GALNTL6: variants seen among roughly 807,000 people sequenced by gnomAD.
GALNTL6 encodes polypeptide N-acetylgalactosaminyltransferase like 6.
In GALNTL6, 46 loss-of-function variants were observed where a neutral mutation model predicts 73.7. The observed-to-expected ratio is 0.62, with a 90% CI of 0.49 to 0.80. The LOEUF (loss-of-function observed/expected upper bound fraction) is 0.80, where lower values mean the gene tolerates loss of function less well. Ranked by LOEUF, GALNTL6 falls within the 30% of genes least tolerant of loss-of-function variation. The pLI, the probability that GALNTL6 is intolerant of heterozygous loss-of-function variation, is 0.00. For synonymous variants in GALNTL6, 259 were observed against 263.7 expected (o/e 0.98, Z 0.17); for missense variants, 604 against 755.0 (o/e 0.80, Z 2.34).
chr4:172,265,988 G>T (rs546726666), intron 3 of GALNTL6, among the ~76,000 whole-genome samples: 1 of 152,064 alleles, frequency 6.6e-6, no homozygotes, highest in East Asian at 1.9e-4. Flanking sequence ...CTCATTCATG[G>T]CTACACTTTA....
intron 5 of GALNTL6, among the ~76,000 whole-genome samples, chr4:172,584,773 TGA>T (rs1430971421): frequency 1.3e-5 from 2 of 152,130 alleles, no homozygotes; most frequent in Non-Finnish European, 2.9e-5. Context: ...GTGGTGGTAG[TGA>T]GAGGGTATAT....
rs374519824 is a variant in GALNTL6 at position 171,962,957 on chromosome 4, G to A, written c.138+148239G>A. On this transcript the variant is annotated intron_variant, in intron 2 of 12. Transcript: ENST00000506823. ...TAATTTTTGTATTTTTAATAGAGACGGGGTTTCACTATGTTGGCCAGGATG... is the reference window on the plus strand; with the variant it reads ...TAATTTTTGTATTTTTAATAGAGACAGGGTTTCACTATGTTGGCCAGGATG... Among the ~76,000 whole-genome samples the A allele has an allele frequency of 9.0e-4, 137 of 151,488 alleles. 1 individual carries two copies. The East Asian group carries it at 0.016, about 18-fold the overall frequency.
chr4:172,476,715 T>C (rs952551285), intron 5 of GALNTL6, among the ~76,000 whole-genome samples: 1 of 152,120 alleles, frequency 6.6e-6, no homozygotes, highest in African/African-American at 2.4e-5. Flanking sequence ...ATTTGAAATG[T>C]TCACCCAAGC....
chr4:171,917,481 T>A (rs1737663750), intron 2 of GALNTL6, among the ~76,000 whole-genome samples: 1 of 152,090 alleles, frequency 6.6e-6, no homozygotes, highest in South Asian at 2.1e-4. Flanking sequence ...TTTATCAGCT[T>A]GAAGAGTGTT....
intron 3 of GALNTL6, among the ~76,000 whole-genome samples, chr4:172,281,711 A>T (rs1423972677): frequency 3.3e-5 from 5 of 152,016 alleles, no homozygotes; most frequent in Non-Finnish European, 5.9e-5. Flanking sequence ...ACCTTGTCAA[A>T]ACAAACAAAC....
At chr4:172,273,718 C>T (rs893987630) in intron 3 of GALNTL6, among the ~76,000 whole-genome samples, 3 of 152,068 alleles carry the variant, frequency 2.0e-5, no homozygotes, top group East Asian at 1.9e-4. Context: ...AGATATGAAA[C>T]GAGAGTGACC....
chr4:171,991,444 AGAGT>A (rs1467369082), intron 2 of GALNTL6, among the ~76,000 whole-genome samples: 2 of 152,030 alleles, frequency 1.3e-5, no homozygotes, highest in Non-Finnish European at 2.9e-5. Context: ...TCGTTAACAG[AGAGT>A]AAGTATACAA....
chr4:171,933,699 T>G (rs1026258745), intron 2 of GALNTL6, among the ~76,000 whole-genome samples: 4 of 151,672 alleles, frequency 2.6e-5, no homozygotes, highest in African/African-American at 9.7e-5. Flanking sequence ...CAAGAATTAT[T>G]TTAATTATTT....
chr4:172,289,454 T>C (rs1262081017), intron 3 of GALNTL6, among the ~76,000 whole-genome samples: 2 of 152,216 alleles, frequency 1.3e-5, no homozygotes, highest in Non-Finnish European at 2.9e-5. Context: ...ATTATGGCAA[T>C]TTACCTTTCT....
At chr4:171,975,295 C>T (rs1739688642) in intron 2 of GALNTL6, among the ~76,000 whole-genome samples, 1 of 152,108 alleles carries the variant, frequency 6.6e-6, no homozygotes, top group African/African-American at 2.4e-5. Context: ...AGAATATGTC[C>T]TCCCAAGTGT....
chr4:172,223,791 T>C (rs992459085), intron 2 of GALNTL6, among the ~76,000 whole-genome samples: 2 of 152,146 alleles, frequency 1.3e-5, no homozygotes, highest in African/African-American at 4.8e-5. Context: ...TTCTAAACAC[T>C]AGTTTATCAC....
intron 5 of GALNTL6, among the ~76,000 whole-genome samples, chr4:172,701,710 A>G (rs187458696): frequency 5.3e-5 from 8 of 152,236 alleles, no homozygotes; most frequent in Non-Finnish European, 7.4e-5. Context: ...GGGGACAAGT[A>G]CACTATGAAA....
chr4:172,116,534 T>C (rs1732988802), intron 2 of GALNTL6, among the ~76,000 whole-genome samples: 1 of 152,154 alleles, frequency 6.6e-6, no homozygotes, highest in Admixed American at 6.6e-5. Context: ...CTTCCCGAAG[T>C]GCTGGGATTA....
chr4:172,137,740 C>A (rs949522992), intron 2 of GALNTL6, among the ~76,000 whole-genome samples: 1 of 152,142 alleles, frequency 6.6e-6, no homozygotes, highest in Non-Finnish European at 1.5e-5. Flanking sequence ...TGAATTTTCT[C>A]CCTAGTTGGA....
chr4:172,592,670 G>GTCTGTCTATCTA (rs71592086), intron 5 of GALNTL6, among the ~76,000 whole-genome samples: 91 of 142,096 alleles, frequency 6.4e-4, no homozygotes, highest in East Asian at 5.7e-3. Flanking sequence ...CTGTCTGTCT[G>GTCTGTCTATCTA]TCTATCTATC....
At chr4:172,477,815 A>T (rs2111475398) in intron 5 of GALNTL6, among the ~76,000 whole-genome samples, 1 of 152,324 alleles carries the variant, frequency 6.6e-6, no homozygotes, top group South Asian at 2.1e-4. Flanking sequence ...TGACTCTTTA[A>T]CGCTGTAAAA....
intron 5 of GALNTL6, among the ~76,000 whole-genome samples, chr4:172,539,679 C>T (rs1735476967): frequency 6.6e-6 from 1 of 151,884 alleles, no homozygotes; most frequent in South Asian, 2.1e-4. Context: ...ACCTTTCAAT[C>T]TCTAGAGTTC....
At chr4:171,852,804 GATA>G (rs1735555888) in intron 2 of GALNTL6, among the ~76,000 whole-genome samples, 2 of 62,930 alleles carry the variant, frequency 3.2e-5, no homozygotes, top group Non-Finnish European at 7.0e-5. Context: ...TTAAGAAAAA[GATA>G]AGTCAAGTCA....
At chr4:172,104,055 T>G (rs1305060578) in intron 2 of GALNTL6, among the ~76,000 whole-genome samples, 1 of 151,938 alleles carries the variant, frequency 6.6e-6, no homozygotes. Flanking sequence ...GCCATTCTCC[T>G]GCCTCAGCCT....
Sources: allele counts gnomAD v4.1 joint callset (sites outside exome capture counted in the v4.1 genomes callset), GRCh38; gene constraint gnomAD v4.1.1; transcripts MANE v1.5; gene names NCBI Gene and HGNC (gene_info 2026-07-23, HGNC 2026-07-21).